Variants in STARD3 observed in about 807,000 individuals in gnomAD.
The protein encoded by STARD3 is StAR related lipid transfer domain containing 3.
In STARD3, 39 loss-of-function variants were observed where a neutral mutation model predicts 62.0. That is an observed-to-expected ratio of 0.63 (90% CI 0.49 to 0.82). The LOEUF (loss-of-function observed/expected upper bound fraction) is 0.82, where lower values mean the gene tolerates loss of function less well. STARD3 is among the 40% of genes least tolerant of loss of function. The probability of loss-of-function intolerance (pLI) is 0.00; values close to 1 mark genes in which losing one functional copy is unlikely to be tolerated. For missense variants in STARD3, 543 were observed against 584.5 expected, an observed-to-expected ratio of 0.93 and a Z score of 0.73; for synonymous variants, 229 against 242.4, an observed-to-expected ratio of 0.94 and a Z score of 0.51.
chr17:39,659,178 C>G, intron 8 of STARD3, 72 bp downstream of exon 8: 2 of 1,589,114 alleles, frequency 1.3e-6, no homozygotes, highest in African/African-American at 2.7e-5. Flanking sequence ...CAGGGGTCAG[C>G]CGGGGTGGGC....
At chr17:39,637,722 A>G (rs573094178) in intron 1 of STARD3, among the ~76,000 whole-genome samples, 1 of 152,192 alleles carries the variant, frequency 6.6e-6, no homozygotes, top group East Asian at 1.9e-4. Context: ...GGTGCATAGT[A>G]CCATTGACAC....
intron 1 of STARD3, among the ~76,000 whole-genome samples, chr17:39,649,605 G>A (rs374771017): frequency 6.6e-6 from 1 of 152,316 alleles, no homozygotes; most frequent in South Asian, 2.1e-4. Flanking sequence ...GGTAGCTCAC[G>A]CCTGTAATCC....
intron 1 of STARD3, among the ~76,000 whole-genome samples, chr17:39,643,467 A>G (rs1432271081): frequency 2.0e-5 from 3 of 152,080 alleles, no homozygotes; most frequent in Non-Finnish European, 2.9e-5. Flanking sequence ...TGCATTAAGG[A>G]GATGGTGTCT....
intron 1 of STARD3, among the ~76,000 whole-genome samples, chr17:39,645,687 GC>G: frequency 6.6e-6 from 1 of 152,102 alleles, no homozygotes; most frequent in South Asian, 2.1e-4. Flanking sequence ...GGCCAGGCTG[GC>G]CTCAAACTCC....
At chr17:39,641,964 G>A (rs934262635) in intron 1 of STARD3, among the ~76,000 whole-genome samples, 5 of 152,238 alleles carry the variant, frequency 3.3e-5, no homozygotes, top group Admixed American at 6.5e-5. Context: ...CTGTGATAAG[G>A]GAAGTGCTGA....
At position 39,658,018 on chromosome 17, in the gene STARD3, CTCTCTGAGGTCAGTGGCTCAGGG is replaced by C; in HGVS notation, c.425_429+18del. 6.4e-7 allele frequency: 1 copy of C among 1,559,836 alleles called. No homozygotes were observed. The highest frequency in any genetic ancestry group is 8.7e-7 in the Non-Finnish European group (1 of 1,151,696). On this transcript the variant is annotated splice_donor_variant and splice_donor_5th_base_variant and coding_sequence_variant and intron_variant, in exon 5 of 15. Coordinates refer to ENST00000336308, the MANE Select transcript of STARD3 (RefSeq NM_006804.4). LOFTEE classifies it high-confidence loss of function. Reference sequence around the variant, plus strand: ...TGCATTCCTCATTGTCAAGGTCATCCTCTCTGAGGTCAGTGGCTCAGGGTCTGGCCAGTCTGGTGGGCATCAGA... The same window carrying C: ...TGCATTCCTCATTGTCAAGGTCATCCTCTGGCCAGTCTGGTGGGCATCAGA...
intron 8 of STARD3, 58 bp from the exon 9 acceptor site, chr17:39,659,403 G>T: frequency 6.5e-7 from 1 of 1,533,122 alleles, no homozygotes; most frequent in South Asian, 1.1e-5. Context: ...AACAGGCCAC[G>T]AACATGGTGG....
Position 39,638,310 on chromosome 17 carries a change from G to A in STARD3, c.-52+1079G>A, listed in dbSNP as rs771133842. On this transcript the variant is annotated intron_variant, in intron 1 of 14. Coordinates refer to ENST00000336308, the MANE Select transcript of STARD3 (RefSeq NM_006804.4). ...GATCCTTTTAGAACACAAGTCTTAC[G>A]GTGCCAGTTCCTTGCTGATAACCTT... 3.8e-4 allele frequency among the ~76,000 whole-genome samples: 58 copies of A among 152,146 alleles called. 1 individual carries two copies. Among genetic ancestry groups the A allele is most frequent in the Admixed American group, 2.6e-4 (4 of 15,274 alleles).
At chr17:39,657,911 G>T (rs2145016680) in intron 4 of STARD3, 59 bp downstream of exon 4, 1 of 1,613,204 alleles carries the variant, frequency 6.2e-7, no homozygotes, top group South Asian at 1.1e-5. Flanking sequence ...GAAGGGATGG[G>T]ATGGAGGAGG....
chr17:39,656,282 G>A (rs1445327582), intron 2 of STARD3, among the ~76,000 whole-genome samples: 2 of 152,150 alleles, frequency 1.3e-5, no homozygotes, highest in Admixed American at 6.5e-5. Flanking sequence ...CCCTTCTCCA[G>A]GGTGGCTGGT....
At chr17:39,659,688 C>T in intron 9 of STARD3, 135 bp downstream of exon 9, 1 of 941,530 alleles carries the variant, frequency 1.1e-6, no homozygotes, top group Non-Finnish European at 1.6e-6. Flanking sequence ...GAGCTGGGCC[C>T]TCGGGTCGGC....
chr17:39,646,709 C>G (rs1401732539), intron 1 of STARD3, among the ~76,000 whole-genome samples: 1 of 152,186 alleles, frequency 6.6e-6, no homozygotes, highest in African/African-American at 2.4e-5. Context: ...CCTGTTTGTC[C>G]TGAGTCCAGG....
chr17:39,658,552 G>A (rs1016822092), intron 6 of STARD3, 30 bp downstream of exon 6: 23 of 1,604,012 alleles, frequency 1.4e-5, no homozygotes, highest in Middle Eastern at 1.7e-4. Flanking sequence ...GGGGTGCAGC[G>A]AGGGTTACCC....
At chr17:39,648,054 G>A (rs1028463848) in intron 1 of STARD3, among the ~76,000 whole-genome samples, 2 of 152,162 alleles carry the variant, frequency 1.3e-5, no homozygotes, top group African/African-American at 2.4e-5. Context: ...GGGAGGCTGA[G>A]GCGGGCGGAT....
chr17:39,661,128 C>T (rs747875122), intron 13 of STARD3, 43 bp downstream of exon 13: 1 of 1,585,080 alleles, frequency 6.3e-7, no homozygotes, highest in Admixed American at 1.7e-5. Context: ...CAGCCCCTCC[C>T]CTGGGAGCAT....
Position 39,658,439 on chromosome 17 carries a change from C to G in STARD3, c.464C>G (p.Pro155Arg). 3 of 1,614,152 alleles carry G rather than the reference C, an allele frequency of 1.9e-6. No homozygotes were observed. The highest frequency in any genetic ancestry group is 2.5e-6 in the Non-Finnish European group (3 of 1,180,000). ...LSKGAFGYLLPIVSFVLAWLE... is the reference protein window; with the variant it reads ...LSKGAFGYLLRIVSFVLAWLE... ...AAAGGGGCATTTGGCTACCTGCTCC[C>G]CATCGTCTCTTTTGTCCTCGCCTGG... The change falls in exon 6 of 15, where the codon CCC becomes CGC. Residue 155 changes from proline (P) to arginine (R), a missense_variant. Pro to Arg is a moderately radical substitution (Grantham distance 103). Transcript: ENST00000336308.
chr17:39,654,799 A>G (rs2047639563), intron 2 of STARD3, among the ~76,000 whole-genome samples: 1 of 152,226 alleles, frequency 6.6e-6, no homozygotes. Context: ...TGCTTATGTG[A>G]CAAGAAAACA....
chr17:39,658,497 A>G lies in STARD3; in HGVS notation c.522A>G (p.Leu174=). The G allele has an allele frequency of 6.2e-7, 1 of 1,613,992 alleles. No homozygotes were observed. The highest frequency in any genetic ancestry group is 1.1e-5 in the South Asian group (1 of 91,066). The change falls in exon 6 of 15, where the codon CTA becomes CTG. Residue 174 remains leucine (L), a synonymous_variant. Coordinates refer to ENST00000336308, the MANE Select transcript of STARD3 (RefSeq NM_006804.4). The part of the protein sequence containing the change: ...LETWFLDFKV[L]PQEAEEERWY... ...CCTGGTTCCTTGACTTCAAAGTCCT[A>G]CCCCAGGAAGCTGAAGAGGAGCGAT...
rs998019418 is a variant in STARD3 at position 39,663,924 on chromosome 17, G to A, written c.*1016G>A. ...ACTCACCCATTCCCTCTCCCCGCAC[G>A]GCACTCACACCAGGGGCGGCCTGGA... On this transcript the variant is annotated 3_prime_UTR_variant, in exon 15 of 15. Transcript: ENST00000336308. Among the ~76,000 whole-genome samples, 4 of 152,174 alleles carry A rather than the reference G, an allele frequency of 2.6e-5. No homozygotes were observed. Among genetic ancestry groups the A allele is most frequent in the African/African-American group, 4.8e-5 (2 of 41,512 alleles).
Sources: allele counts gnomAD v4.1 joint callset (sites outside exome capture counted in the v4.1 genomes callset), GRCh38; gene constraint gnomAD v4.1.1; transcripts MANE v1.5; gene names NCBI Gene and HGNC (gene_info 2026-07-23, HGNC 2026-07-21).